The following NEK10 variants were observed in gnomAD, a reference collection of about 807,000 sequenced individuals.
NEK10 encodes the protein serine/threonine-protein kinase Nek10.
Under a neutral mutation model 159.8 loss-of-function variants are expected in NEK10, and 122 were observed. That is an observed-to-expected ratio of 0.76 (90% CI 0.66 to 0.89). NEK10 has a LOEUF of 0.89. Ranked by LOEUF, NEK10 falls within the 40% of genes least tolerant of loss-of-function variation. NEK10 has a pLI of 0.00. For synonymous variants in NEK10, 466 were observed against 457.1 expected (o/e 1.02, Z -0.25); for missense variants, 1,342 against 1,323.1 (o/e 1.01, Z -0.22).
At chr3:27,126,826 G>C (rs1942016500) in intron 32 of NEK10, among the ~76,000 whole-genome samples, 1 of 151,644 alleles carries the variant, frequency 6.6e-6, no homozygotes, top group Admixed American at 6.6e-5. Context: ...TTGTGTCTTA[G>C]TGCAAATTAG....
At chr3:27,284,564 A>G in intron 22 of NEK10, 38 bp downstream of exon 22, 3 of 1,140,068 alleles carry the variant, frequency 2.6e-6, no homozygotes, top group Non-Finnish European at 4.0e-6. Context: ...AGTATTCAGG[A>G]ATTCTTCAGT....
chr3:27,314,296 C>A lies in NEK10; in HGVS notation c.489+1G>T. The A allele has an allele frequency of 2.5e-6, 4 of 1,600,000 alleles. No individual in the cohort carries two copies. The highest frequency in any genetic ancestry group is 3.4e-6 in the Non-Finnish European group (4 of 1,171,384). ...ACCAGCCACCACAAAAGGAATCTTA[C>A]CTGAGCTAGGTTTTCAATCCCACCC... On this transcript the variant is annotated splice_donor_variant, in intron 7 of 35. Transcript: ENST00000691995. LOFTEE classifies it high-confidence loss of function.
At chr3:27,147,027 C>T (rs556525501) in intron 30 of NEK10, among the ~76,000 whole-genome samples, 1 of 152,322 alleles carries the variant, frequency 6.6e-6, no homozygotes, top group African/African-American at 2.4e-5. Flanking sequence ...GAAAGGTGAT[C>T]TCACGGGAAG....
rs573688336 is a variant in NEK10, at chr3:27,107,709, C to T, written c.*3563G>A. On this transcript the variant is annotated 3_prime_UTR_variant, in exon 36 of 36. Coordinates refer to ENST00000691995, the MANE Select transcript of NEK10 (RefSeq NM_001394966.1). ...GCTGTAACTCCAGGGTGCCAAGAAG[C>T]TGTTTCAGATAGATTTCTTTGCATT... Among the ~76,000 whole-genome samples, 3 of 152,242 alleles carry T rather than the reference C, an allele frequency of 2.0e-5. No homozygotes were observed. The highest frequency in any genetic ancestry group is 2.1e-4 in the South Asian group (1 of 4,822).
intron 33 of NEK10, among the ~76,000 whole-genome samples, chr3:27,117,313 A>G (rs1940611046): frequency 6.6e-6 from 1 of 152,080 alleles, no homozygotes; most frequent in South Asian, 2.1e-4. Flanking sequence ...TTTATAAGGG[A>G]ATGATTTATT....
intron 32 of NEK10, among the ~76,000 whole-genome samples, chr3:27,128,515 T>C (rs1436321227): frequency 6.6e-6 from 1 of 152,148 alleles, no homozygotes; most frequent in Admixed American, 6.6e-5. Flanking sequence ...AATGATTTTG[T>C]TAACATGCGA....
At chr3:27,362,913 C>CA (rs1245025023) in intron 1 of NEK10, among the ~76,000 whole-genome samples, 4 of 152,028 alleles carry the variant, frequency 2.6e-5, no homozygotes, top group African/African-American at 4.8e-5. Flanking sequence ...CCAACTACAA[C>CA]AAAAAAATCT....
Position 27,291,508 on chromosome 3 carries a change from C to A in NEK10, c.1452G>T (p.Leu484Phe). 6.2e-7 allele frequency: 1 copy of A among 1,609,910 alleles called. No individual in the cohort carries two copies. Among genetic ancestry groups the A allele is most frequent in the African/African-American group, 1.3e-5 (1 of 74,970 alleles). The stretch of plus-strand genomic sequence containing the variant: ...CCACTAATAAATTCAGCTTGGATAC[C>A]AATTCTTCATAAGCACTGATATCAC... Reference protein sequence around the residue: ...YVRDISAYEELVSKLNLLVED... With the variant: ...YVRDISAYEEFVSKLNLLVED... Residue 484 changes from leucine to phenylalanine, a missense_variant, in exon 17 of 36, where the codon TTG (leucine) becomes TTT (phenylalanine). Transcript: ENST00000691995.
chr3:27,272,908 C>A (rs2041479429), intron 22 of NEK10, among the ~76,000 whole-genome samples: 1 of 152,184 alleles, frequency 6.6e-6, no homozygotes, highest in African/African-American at 2.4e-5. Context: ...CTCTGAAGGT[C>A]ACTCAGATTC....
intron 22 of NEK10, among the ~76,000 whole-genome samples, chr3:27,268,390 T>C (rs556274639): frequency 6.6e-6 from 1 of 152,334 alleles, no homozygotes; most frequent in South Asian, 2.1e-4. Flanking sequence ...ATGCCTGGCT[T>C]CAAAGCTTCA....
At chr3:27,301,204 G>A (rs2043797633) in intron 13 of NEK10, among the ~76,000 whole-genome samples, 1 of 152,200 alleles carries the variant, frequency 6.6e-6, no homozygotes, top group African/African-American at 2.4e-5. Context: ...TTGATGCATT[G>A]CTGCTCCTGC....
Position 27,107,667 on chromosome 3 carries a change from C to T in NEK10, c.*3605G>A, listed in dbSNP as rs558353359. 6.2e-4 allele frequency among the ~76,000 whole-genome samples: 94 copies of T among 152,268 alleles called. No homozygotes were observed. Among genetic ancestry groups the T allele is most frequent in the South Asian group, 1.5e-3 (7 of 4,818 alleles). ...ATTCGGAAGCATTAAGCTTCCCTTA[C>T]GTTGGAGCCCTTCATAGCTGTAACT... On this transcript the variant is annotated 3_prime_UTR_variant, in exon 36 of 36. Transcript: ENST00000691995.
At chr3:27,311,962 G>A (rs1427623276) in intron 8 of NEK10, 137 bp downstream of exon 8, 1 of 666,758 alleles carries the variant, frequency 1.5e-6, no homozygotes, top group East Asian at 2.8e-5. Flanking sequence ...ATAACAATTG[G>A]CCTGGATGCT....
chr3:27,225,835 G>T (rs1202305632), intron 23 of NEK10, among the ~76,000 whole-genome samples: 1 of 115,786 alleles, frequency 8.6e-6, no homozygotes, highest in African/African-American at 4.6e-5. Context: ...AAGTCACATG[G>T]TTGTGTTTCA....
In NEK10 at chr3:27,308,930, C is replaced by G. The variant is rs545774962; in HGVS notation, c.712G>C (p.Glu238Gln). The G allele has an allele frequency of 6.4e-7, 1 of 1,564,132 alleles. No individual in the cohort carries two copies. The highest frequency in any genetic ancestry group is 1.1e-5 in the South Asian group (1 of 88,846). The change falls in exon 10 of 36, where the codon GAA becomes CAA. Residue 238 changes from glutamate to glutamine, a missense_variant. Coordinates refer to ENST00000691995, the MANE Select transcript of NEK10 (RefSeq NM_001394966.1). The stretch of plus-strand genomic sequence containing the variant: ...ATATTAGAATACACTACTTACCTTT[C>G]TGCTAAACTAGCCAGAGCCAGAAGG... ...GSLLALASLA[E>Q]SQECREKISE...
intron 22 of NEK10, among the ~76,000 whole-genome samples, chr3:27,278,172 C>T (rs887911004): frequency 1.3e-5 from 2 of 152,156 alleles, no homozygotes; most frequent in Admixed American, 6.5e-5. Flanking sequence ...TGTATTTTGC[C>T]ACTGTTTTAG....
intron 23 of NEK10, among the ~76,000 whole-genome samples, chr3:27,250,702 A>AT (rs554342007): frequency 2.3e-4 from 35 of 149,714 alleles, no homozygotes; most frequent in Admixed American, 1.7e-3. Context: ...TCTGGGGTAA[A>AT]TTTTTTTTTT....
At chr3:27,241,157 A>C (rs566107685) in intron 23 of NEK10, among the ~76,000 whole-genome samples, 1 of 152,294 alleles carries the variant, frequency 6.6e-6, no homozygotes, top group African/African-American at 2.4e-5. Flanking sequence ...AAAGACTTCC[A>C]AATATTCAGC....
At chr3:27,151,137 C>A (rs1454852664) in intron 30 of NEK10, among the ~76,000 whole-genome samples, 1 of 152,170 alleles carries the variant, frequency 6.6e-6, no homozygotes, top group East Asian at 1.9e-4. Flanking sequence ...CCGCTAGTCC[C>A]TCTCCATGCT....
Sources: gnomAD v4.1 joint callset for allele counts (sites outside exome capture counted in the v4.1 genomes callset) on GRCh38, gnomAD v4.1.1 for gene constraint, MANE v1.5 for transcripts, NCBI Gene and HGNC (gene_info 2026-07-23, HGNC 2026-07-21) for gene names.